LEPR: variants seen among roughly 807,000 people sequenced by gnomAD.
LEPR encodes leptin receptor.
In LEPR, 56 loss-of-function variants were observed where a neutral mutation model predicts 114.7. The ratio of observed to expected loss-of-function variants is 0.49; its 90% CI spans 0.39 to 0.61. The LOEUF (loss-of-function observed/expected upper bound fraction) is 0.61, where lower values mean the gene tolerates loss of function less well. LEPR is among the 20% of genes least tolerant of loss of function. The pLI, the probability that LEPR is intolerant of heterozygous loss-of-function variation, is 0.00. For synonymous variants in LEPR, 443 were observed against 461.4 expected (o/e 0.96, Z 0.51); for missense variants, 1,202 against 1,352.9 (o/e 0.89, Z 1.75).
rs180784269 is a variant in LEPR at position 65,529,136 on chromosome 1, G to A, written c.-20-36410G>A. On this transcript the variant is annotated intron_variant, in intron 2 of 19. Coordinates refer to ENST00000349533, the MANE Select transcript of LEPR (RefSeq NM_002303.6). ...CCCAAAAAAAGTTTTATATGATTAT[G>A]GTAGGCATTAAATCATAGATTATTT... 3.9e-5 allele frequency among the ~76,000 whole-genome samples: 6 copies of A among 152,044 alleles called. No homozygotes were observed. In the East Asian group the frequency reaches 9.7e-4, roughly 24 times the overall value.
intron 19 of LEPR, chr1:65,626,210 T>C (rs1465403428): frequency 6.3e-7 from 1 of 1,594,436 alleles, no homozygotes. Context: ...CTGCCGCACC[T>C]GCTCTCCCTG....
intron 19 of LEPR, chr1:65,634,454 T>A (rs532566773): frequency 1.0e-6 from 1 of 963,800 alleles, no homozygotes. Context: ...TAAAAAAAGA[T>A]GCATATAGTG....
intron 5 of LEPR, among the ~76,000 whole-genome samples, chr1:65,582,328 A>G (rs527474901): frequency 5.7e-4 from 87 of 152,284 alleles, no homozygotes; most frequent in African/African-American, 1.9e-3. Context: ...AGCCACCAGG[A>G]CTGCAGTCAT....
chr1:65,527,422 GGGT>G (rs1461805390), intron 2 of LEPR, among the ~76,000 whole-genome samples: 2 of 152,214 alleles, frequency 1.3e-5, no homozygotes, highest in African/African-American at 4.8e-5. Context: ...GTACTGTGAA[GGGT>G]TAGTGTACTT....
chr1:65,461,321 C>G (rs903433325), intron 2 of LEPR, among the ~76,000 whole-genome samples: 2 of 152,026 alleles, frequency 1.3e-5, no homozygotes, highest in Non-Finnish European at 2.9e-5. Flanking sequence ...TAAACCAGGG[C>G]TCTTAGGAGA....
intron 2 of LEPR, among the ~76,000 whole-genome samples, chr1:65,553,931 G>C (rs1652617635): frequency 6.6e-6 from 1 of 152,128 alleles, no homozygotes; most frequent in South Asian, 2.1e-4. Flanking sequence ...ATTCCTTTCT[G>C]TGTGTTAGTT....
At chr1:65,591,088 A>T (rs1298369722) in intron 5 of LEPR, among the ~76,000 whole-genome samples, 2 of 151,670 alleles carry the variant, frequency 1.3e-5, no homozygotes, top group Non-Finnish European at 2.9e-5. Flanking sequence ...ATTTTTTTTG[A>T]TATGTTTTTT....
At chr1:65,548,904 C>T (rs138947458) in intron 2 of LEPR, among the ~76,000 whole-genome samples, 9,663 of 152,178 alleles carry the variant, frequency 0.063, 498 homozygotes, top group South Asian at 0.27. Context: ...TTCCTAGCCT[C>T]GAAGGTCTTT....
At chr1:65,621,937 G>T (rs61781311) in intron 18 of LEPR, among the ~76,000 whole-genome samples, 26,777 of 151,904 alleles carry the variant, frequency 0.18, 2,511 homozygotes, top group Middle Eastern at 0.25. Context: ...CTTGGGGCTG[G>T]CATGTGCCTG....
chr1:65,436,324 A>C (rs182579290), intron 2 of LEPR, among the ~76,000 whole-genome samples: 1 of 152,360 alleles, frequency 6.6e-6, no homozygotes, highest in East Asian at 1.9e-4. Context: ...CATATTTTGA[A>C]GAGTCTTTTT....
At chr1:65,540,956 T>G (rs906365441) in intron 2 of LEPR, among the ~76,000 whole-genome samples, 3 of 152,084 alleles carry the variant, frequency 2.0e-5, no homozygotes, top group Admixed American at 6.6e-5. Flanking sequence ...CTCAGCCTCT[T>G]GAGTAGCTGG....
chr1:65,491,996 T>C (rs1444021800), intron 2 of LEPR, among the ~76,000 whole-genome samples: 6 of 152,144 alleles, frequency 3.9e-5, no homozygotes, highest in Admixed American at 3.9e-4. Flanking sequence ...GAATACTGTT[T>C]CTACCCATTC....
At position 65,601,715 on chromosome 1, in the gene LEPR, C is replaced by T. The variant is rs372766270; in HGVS notation, c.1285+33C>T. The T allele has an allele frequency of 5.6e-6, 9 of 1,612,540 alleles. No homozygotes were observed. The African/African-American group carries it at 8.0e-5, about 14-fold the overall frequency. On this transcript the variant is annotated intron_variant, in intron 9 of 19. Coordinates refer to ENST00000349533, the MANE Select transcript of LEPR (RefSeq NM_002303.6). ...AACAGAGGTTTTGTTCATTTTGTTC[C>T]ACAACTTGAATTTTCATTATGGACC...
chr1:65,554,758 G>GA (rs375039778), intron 2 of LEPR, among the ~76,000 whole-genome samples: 5,330 of 148,684 alleles, frequency 0.036, 152 homozygotes, highest in African/African-American at 0.068. Context: ...GCTGGGGTAT[G>GA]AAAAAAAAAA....
intron 19 of LEPR, among the ~76,000 whole-genome samples, chr1:65,627,183 G>T (rs1309557318): frequency 6.6e-6 from 1 of 152,136 alleles, no homozygotes; most frequent in Non-Finnish European, 1.5e-5. Flanking sequence ...GACTCAAATT[G>T]ATACCCGTGC....
At chr1:65,573,982 G>C (rs530380481) in intron 5 of LEPR, among the ~76,000 whole-genome samples, 1 of 152,266 alleles carries the variant, frequency 6.6e-6, no homozygotes, top group African/African-American at 2.4e-5. Flanking sequence ...GAATGGTTAC[G>C]ATCACTGTCC....
intron 1 of LEPR, chr1:65,421,338 AGT>A (rs1311531276): frequency 3.3e-6 from 5 of 1,533,538 alleles, no homozygotes; most frequent in South Asian, 2.4e-5. Context: ...AGAAGAAACC[AGT>A]GTGTGTGTAG....
At chr1:65,599,592 C>T (rs988803686) in intron 8 of LEPR, among the ~76,000 whole-genome samples, 3 of 152,102 alleles carry the variant, frequency 2.0e-5, no homozygotes, top group African/African-American at 4.8e-5. Flanking sequence ...ACATTGACTT[C>T]GGAGTCCAAC....
chr1:65,472,615 G>C (rs12129378), intron 2 of LEPR, among the ~76,000 whole-genome samples: 5,295 of 137,262 alleles, frequency 0.039, 317 homozygotes, highest in South Asian at 0.072. Flanking sequence ...TATATATATA[G>C]ACACACACAC....
Sources: allele counts gnomAD v4.1 joint callset (sites outside exome capture counted in the v4.1 genomes callset), GRCh38; gene constraint gnomAD v4.1.1; transcripts MANE v1.5; gene names NCBI Gene and HGNC (gene_info 2026-07-23, HGNC 2026-07-21).